Variants in ANP32A observed in about 807,000 individuals in gnomAD.
The protein encoded by ANP32A is acidic leucine-rich nuclear phosphoprotein 32 family member A.
In ANP32A, 1 loss-of-function variant was observed where a neutral mutation model predicts 33.9. The ratio of observed to expected loss-of-function variants is 0.03; its 90% CI spans 0.01 to 0.14. ANP32A has a LOEUF of 0.14. Ranked by LOEUF, ANP32A falls within the 10% of genes least tolerant of loss-of-function variation. ANP32A has a pLI of 1.00. For missense variants in ANP32A, 155 were observed against 306.0 expected, an observed-to-expected ratio of 0.51 and a Z score of 3.68; for synonymous variants, 115 against 120.5, an observed-to-expected ratio of 0.95 and a Z score of 0.30.
chr15:68,805,772 T>C (rs905043495), intron 1 of ANP32A, among the ~76,000 whole-genome samples: 3 of 152,220 alleles, frequency 2.0e-5, no homozygotes, highest in Admixed American at 6.5e-5. Context: ...CAGAGAGGCC[T>C]TCCTGGACCA....
chr15:68,794,230 G>A (rs1033259425), intron 1 of ANP32A, among the ~76,000 whole-genome samples: 9 of 152,170 alleles, frequency 5.9e-5, no homozygotes, highest in African/African-American at 2.2e-4. Context: ...GAAACGAAGG[G>A]CAGGTTAGCA....
intron 1 of ANP32A, among the ~76,000 whole-genome samples, chr15:68,799,307 G>A (rs1894100725): frequency 1.3e-5 from 2 of 152,148 alleles, no homozygotes; most frequent in South Asian, 4.1e-4. Flanking sequence ...AGAAAGACAC[G>A]ATGAGGGAAG....
chr15:68,794,304 T>C (rs1004211494), intron 1 of ANP32A, among the ~76,000 whole-genome samples: 7 of 152,238 alleles, frequency 4.6e-5, no homozygotes, highest in African/African-American at 1.7e-4. Context: ...TCTTAACCTG[T>C]TGGGGAACCA....
At chr15:68,788,283 C>T (rs1893958165) in intron 1 of ANP32A, among the ~76,000 whole-genome samples, 1 of 152,194 alleles carries the variant, frequency 6.6e-6, no homozygotes, top group African/African-American at 2.4e-5. Context: ...CTCCCAAAAC[C>T]CACATGCACC....
intron 1 of ANP32A, among the ~76,000 whole-genome samples, chr15:68,816,324 A>G (rs767023010): frequency 6.6e-6 from 1 of 152,178 alleles, no homozygotes; most frequent in Non-Finnish European, 1.5e-5. Flanking sequence ...GCTGAGTTTG[A>G]ATCCTGGTTC....
At chr15:68,785,667 C>T (rs1249983152) in intron 3 of ANP32A, among the ~76,000 whole-genome samples, 3 of 152,118 alleles carry the variant, frequency 2.0e-5, no homozygotes, top group Non-Finnish European at 2.9e-5. Flanking sequence ...CGCCCCAGGA[C>T]GGTAAGGCAA....
chr15:68,819,498 A>C (rs1413311245), intron 1 of ANP32A, among the ~76,000 whole-genome samples: 1 of 152,222 alleles, frequency 6.6e-6, no homozygotes, highest in African/African-American at 2.4e-5. Context: ...GCTAGCGGGC[A>C]AACTCCCATC....
chr15:68,819,837 A>T (rs1331453391), intron 1 of ANP32A, among the ~76,000 whole-genome samples: 1 of 152,030 alleles, frequency 6.6e-6, no homozygotes, highest in Non-Finnish European at 1.5e-5. Flanking sequence ...ACGTTCGAAA[A>T]TCCCTCCCCC....
chr15:68,798,724 T>C lies in ANP32A; in HGVS notation c.55-10805A>G, dbSNP rs1375711684. On this transcript the variant is annotated intron_variant, in intron 1 of 6. Transcript: ENST00000465139. ...GCCCAGACCTGAGCTCAGCCCCTGC[T>C]CTCCCCACCACCACCTTCCACACAT... Among the ~76,000 whole-genome samples the C allele has an allele frequency of 2.0e-5, 3 of 152,100 alleles. No individual in the cohort carries two copies. In the East Asian group the frequency reaches 5.8e-4, roughly 29 times the overall value.
chr15:68,818,996 T>C (rs1291657800), intron 1 of ANP32A, among the ~76,000 whole-genome samples: 1 of 152,100 alleles, frequency 6.6e-6, no homozygotes, highest in African/African-American at 2.4e-5. Context: ...CTGCGCGCCA[T>C]AAGGCACTCG....
chr15:68,808,183 G>T (rs145406519), intron 1 of ANP32A, among the ~76,000 whole-genome samples: 7 of 152,258 alleles, frequency 4.6e-5, no homozygotes, highest in African/African-American at 1.4e-4. Flanking sequence ...CCTGCTCCAT[G>T]GGGTGGTTCC....
chr15:68,779,981 A>T lies in ANP32A; in HGVS notation c.*100T>A. The T allele has an allele frequency of 8.8e-7, 1 of 1,141,042 alleles. No homozygotes were observed. The highest frequency in any genetic ancestry group is 1.2e-6 in the Non-Finnish European group (1 of 801,650). The allele number at this position is 1,141,042 out of a possible 1,614,324, so 70.7% of individuals were successfully genotyped here. On this transcript the variant is annotated 3_prime_UTR_variant, in exon 7 of 7. Transcript: ENST00000465139. ...CCACAGCAACGTTACAATCAGAAAA[A>T]AATAAGTTTCAGGGGGCAGGATTGG...
chr15:68,796,218 A>G (rs1894061750), intron 1 of ANP32A, among the ~76,000 whole-genome samples: 1 of 152,108 alleles, frequency 6.6e-6, no homozygotes, highest in Admixed American at 6.5e-5. Context: ...AGTAGCTGGA[A>G]TTACAGGCGC....
intron 1 of ANP32A, among the ~76,000 whole-genome samples, chr15:68,799,018 A>C (rs1451902365): frequency 1.3e-5 from 2 of 152,272 alleles, no homozygotes; most frequent in Non-Finnish European, 2.9e-5. Flanking sequence ...GCCACAAAAC[A>C]AATTAGCCAG....
At chr15:68,810,210 T>C (rs1366612961) in intron 1 of ANP32A, among the ~76,000 whole-genome samples, 4 of 152,124 alleles carry the variant, frequency 2.6e-5, no homozygotes, top group Non-Finnish European at 5.9e-5. Context: ...TTATTAAAGA[T>C]TTGGGACTTT....
intron 1 of ANP32A, among the ~76,000 whole-genome samples, chr15:68,796,067 G>T (rs1567036344): frequency 6.6e-6 from 1 of 152,178 alleles, no homozygotes; most frequent in African/African-American, 2.4e-5. Context: ...ACACGACCCA[G>T]TGAAAATCTT....
intron 1 of ANP32A, among the ~76,000 whole-genome samples, chr15:68,813,524 A>T (rs1894339001): frequency 6.6e-6 from 1 of 152,224 alleles, no homozygotes; most frequent in Admixed American, 6.5e-5. Flanking sequence ...AAGCTATAGA[A>T]GATTCAGAGT....
chr15:68,797,889 G>C (rs1894083699), intron 1 of ANP32A, among the ~76,000 whole-genome samples: 1 of 152,146 alleles, frequency 6.6e-6, no homozygotes, highest in Non-Finnish European at 1.5e-5. Flanking sequence ...AGAGGGGCTG[G>C]CTTTCAGTAA....
At chr15:68,788,841 C>G (rs1437438484) in intron 1 of ANP32A, among the ~76,000 whole-genome samples, 6 of 152,148 alleles carry the variant, frequency 3.9e-5, no homozygotes, top group Admixed American at 3.9e-4. Flanking sequence ...CCACTCAGCT[C>G]CCTTACCCAC....
Sources: allele counts gnomAD v4.1 joint callset (sites outside exome capture counted in the v4.1 genomes callset), GRCh38; gene constraint gnomAD v4.1.1; transcripts MANE v1.5; gene names NCBI Gene and HGNC (gene_info 2026-07-23, HGNC 2026-07-21).